The following COG5 variants were observed in gnomAD, a reference collection of about 807,000 sequenced individuals.
The protein encoded by COG5 is component of oligomeric golgi complex 5.
COG5 carries 86 observed loss-of-function variants against 110.4 expected under a neutral mutation model. The observed-to-expected ratio is 0.78, with a 90% CI of 0.65 to 0.93. COG5 has a LOEUF of 0.93. Ranked by LOEUF, COG5 falls within the 40% of genes least tolerant of loss-of-function variation. COG5 has a pLI of 0.00. For missense variants in COG5, 1,077 were observed against 987.0 expected, an observed-to-expected ratio of 1.09 and a Z score of -1.22; for synonymous variants, 360 against 334.6, an observed-to-expected ratio of 1.08 and a Z score of -0.83.
intron 19 of COG5, among the ~76,000 whole-genome samples, chr7:107,226,803 C>T (rs992319957): frequency 2.0e-5 from 3 of 152,148 alleles, no homozygotes; most frequent in Non-Finnish European, 4.4e-5. Context: ...GTATCAGTCC[C>T]ATCAAACAAC....
intron 10 of COG5, among the ~76,000 whole-genome samples, chr7:107,348,256 G>A (rs555434201): frequency 9.9e-5 from 15 of 151,504 alleles, no homozygotes; most frequent in African/African-American, 3.4e-4. Flanking sequence ...ATATTCCTGA[G>A]CATAACTGGA....
At chr7:107,354,368 G>A (rs572984203) in intron 10 of COG5, among the ~76,000 whole-genome samples, 6 of 152,276 alleles carry the variant, frequency 3.9e-5, no homozygotes, top group South Asian at 4.2e-4. Context: ...CTATATAAAA[G>A]TTCCAGCATT....
At chr7:107,422,166 A>G (rs1249908038) in intron 6 of COG5, among the ~76,000 whole-genome samples, 1 of 152,220 alleles carries the variant, frequency 6.6e-6, no homozygotes, top group Non-Finnish European at 1.5e-5. Context: ...TGACTCTTTG[A>G]AAACATCAAT....
At chr7:107,508,732 T>A (rs1027879655) in intron 6 of COG5, among the ~76,000 whole-genome samples, 10 of 152,152 alleles carry the variant, frequency 6.6e-5, no homozygotes, top group African/African-American at 2.4e-4. Context: ...CAACATCCAC[T>A]GTTCTACAGC....
At chr7:107,336,793 C>T (rs1260106328) in intron 10 of COG5, among the ~76,000 whole-genome samples, 4 of 152,000 alleles carry the variant, frequency 2.6e-5, no homozygotes, top group African/African-American at 4.8e-5. Context: ...CCCAGGCTAC[C>T]GCTACTACCA....
At position 107,298,215 on chromosome 7, in the gene COG5, C is replaced by T. The variant is rs368514277; in HGVS notation, c.1240G>A (p.Asp414Asn). The change falls in exon 12 of 22, where the codon GAC becomes AAC. Residue 414 changes from aspartate (D) to asparagine (N), a missense_variant. Asp to Asn is a conservative substitution (Grantham distance 23). Coordinates refer to ENST00000297135, the MANE Select transcript of COG5 (RefSeq NM_006348.5). ...ATGTGTTGTAGGTCAACATAGAGGTCTGTAGTTCCACTTGCATTAAAATTC... is the reference window on the plus strand; with the variant it reads ...ATGTGTTGTAGGTCAACATAGAGGTTTGTAGTTCCACTTGCATTAAAATTC... Reference protein sequence around the residue: ...QGNFNASGTTDLYVDLQHMED... With the variant: ...QGNFNASGTTNLYVDLQHMED... 3.1e-6 allele frequency: 5 copies of T among 1,613,612 alleles called. No individual in the cohort carries two copies. Among genetic ancestry groups the T allele is most frequent in the East Asian group, 4.5e-5 (2 of 44,832 alleles).
At chr7:107,511,589 C>CA (rs1010272174) in intron 6 of COG5, among the ~76,000 whole-genome samples, 9 of 152,104 alleles carry the variant, frequency 5.9e-5, no homozygotes, top group African/African-American at 1.9e-4. Context: ...AGAGACACAA[C>CA]AAAAAAAGAG....
At position 107,406,068 on chromosome 7, in the gene COG5, T is replaced by G. The variant is rs369490926; in HGVS notation, c.669+6434A>C. 1.6e-4 allele frequency among the ~76,000 whole-genome samples: 24 copies of G among 152,310 alleles called. No individual in the cohort carries two copies. The East Asian group carries it at 2.5e-3, about 16-fold the overall frequency. On this transcript the variant is annotated intron_variant, in intron 7 of 21. Coordinates refer to ENST00000297135, the MANE Select transcript of COG5 (RefSeq NM_006348.5). ...AAATGGACTAACAGAGGAGCCAAAT[T>G]GTACTCAGAAGGTTACTTTATACAT...
At chr7:107,542,110 G>C (rs1802083622) in intron 5 of COG5, among the ~76,000 whole-genome samples, 2 of 151,656 alleles carry the variant, frequency 1.3e-5, no homozygotes, top group Admixed American at 1.3e-4. Context: ...ATAGCTTCAG[G>C]GTAGAGAAAG....
chr7:107,520,744 T>G lies in COG5; in HGVS notation c.538+6493A>C, dbSNP rs1298971845. Among the ~76,000 whole-genome samples the G allele has an allele frequency of 2.0e-5, 3 of 152,184 alleles. No individual in the cohort carries two copies. In the East Asian group the frequency reaches 5.8e-4, roughly 29 times the overall value. ...CCAAAGTAATTTATAGATTCAATGC[T>G]ATTCCTATCAAACTACCATTAACAT... is the stretch of plus-strand genomic sequence containing the variant. On this transcript the variant is annotated intron_variant, in intron 6 of 21. Transcript: ENST00000297135.
chr7:107,534,173 A>C (rs1240705165), intron 5 of COG5, among the ~76,000 whole-genome samples: 1 of 151,326 alleles, frequency 6.6e-6, no homozygotes, highest in Non-Finnish European at 1.5e-5. Context: ...GAAGCACTAA[A>C]TATCAAAAGG....
chr7:107,557,065 G>A (rs538162751), intron 2 of COG5, among the ~76,000 whole-genome samples: 24 of 152,178 alleles, frequency 1.6e-4, no homozygotes, highest in Middle Eastern at 6.8e-3. Context: ...CACTGCGCCC[G>A]GCCTAAACGT....
chr7:107,495,165 C>T (rs78722121), intron 6 of COG5, among the ~76,000 whole-genome samples: 1,809 of 152,186 alleles, frequency 0.012, 32 homozygotes, highest in African/African-American at 0.041. Flanking sequence ...TACTAACTTG[C>T]GGTGTCAGAG....
Position 107,545,940 on chromosome 7 carries a change from G to C in COG5, c.417+2171C>G, listed in dbSNP as rs1227023038. Among the ~76,000 whole-genome samples the C allele has an allele frequency of 2.6e-5, 4 of 152,210 alleles. No individual in the cohort carries two copies. The East Asian group carries it at 7.7e-4, about 29-fold the overall frequency. Reference sequence around the variant, plus strand: ...TACACATTCTTCTCAAATGCACATGGAACTTTTTTCAGGATAGATCATATG... The same window carrying C: ...TACACATTCTTCTCAAATGCACATGCAACTTTTTTCAGGATAGATCATATG... On this transcript the variant is annotated intron_variant, in intron 5 of 21. Transcript: ENST00000297135.
chr7:107,311,206 T>C (rs977365647), intron 11 of COG5, among the ~76,000 whole-genome samples: 6 of 152,100 alleles, frequency 3.9e-5, no homozygotes, highest in African/African-American at 1.2e-4. Context: ...TCCATAAGGT[T>C]TGTATGCTAA....
chr7:107,368,230 T>A (rs1393030198), intron 8 of COG5, among the ~76,000 whole-genome samples: 1 of 152,122 alleles, frequency 6.6e-6, no homozygotes, highest in Non-Finnish European at 1.5e-5. Context: ...TGAAGAAGCA[T>A]TAATTGGAAA....
At chr7:107,218,011 C>T (rs1799645389) in intron 19 of COG5, among the ~76,000 whole-genome samples, 1 of 151,760 alleles carries the variant, frequency 6.6e-6, no homozygotes, top group Non-Finnish European at 1.5e-5. Context: ...GAATAAGGTC[C>T]CAGGATACAA....
At chr7:107,400,103 CT>C (rs1462662717) in intron 7 of COG5, among the ~76,000 whole-genome samples, 1 of 151,792 alleles carries the variant, frequency 6.6e-6, no homozygotes, top group African/African-American at 2.4e-5. Context: ...GAAACTAAGA[CT>C]TGTACTTGAG....
intron 7 of COG5, among the ~76,000 whole-genome samples, chr7:107,384,940 T>C (rs936695368): frequency 2.0e-5 from 3 of 152,200 alleles, no homozygotes; most frequent in African/African-American, 4.8e-5. Context: ...ATGAATTAAA[T>C]TGTAGAAGAC....
Sources: allele counts gnomAD v4.1 joint callset (sites outside exome capture counted in the v4.1 genomes callset), GRCh38; gene constraint gnomAD v4.1.1; transcripts MANE v1.5; gene names NCBI Gene and HGNC (gene_info 2026-07-23, HGNC 2026-07-21).